EYS: variants seen among roughly 807,000 people sequenced by gnomAD.
EYS encodes protein eyes shut homolog.
EYS carries 250 observed loss-of-function variants against 282.1 expected under a neutral mutation model. The observed-to-expected ratio is 0.89, with a 90% CI of 0.80 to 0.98. The LOEUF is 0.98. EYS is among the 50% of genes least tolerant of loss of function. The pLI is 0.00. For missense variants in EYS, 4,016 were observed against 3,709.0 expected, an observed-to-expected ratio of 1.08 and a Z score of -2.15; for synonymous variants, 1,355 against 1,282.9, an observed-to-expected ratio of 1.06 and a Z score of -1.20.
chr6:64,872,668 C>A (rs551825181), intron 19 of EYS, among the ~76,000 whole-genome samples: 1 of 152,056 alleles, frequency 6.6e-6, no homozygotes, highest in South Asian at 2.1e-4. Flanking sequence ...ACTTTAAAGC[C>A]TCAGTTGAAA....
chr6:64,591,610 T>G lies in EYS; in HGVS notation c.4257A>C (p.Leu1419Phe). The change falls in exon 26 of 43, where the codon TTA becomes TTC. Residue 1419 changes from leucine (L) to phenylalanine (F), a missense_variant. Physicochemically the swap from Leu to Phe is conservative, Grantham distance 22 (BLOSUM62 0). Coordinates refer to ENST00000503581, the MANE Select transcript of EYS (RefSeq NM_001142800.2). Reference sequence around the variant, plus strand: ...TTACTGAAGTCGTTGGGGTAGCAGATAAAGCAACAGTCTGACAGTTCTCAA... The same window carrying G: ...TTACTGAAGTCGTTGGGGTAGCAGAGAAAGCAACAGTCTGACAGTTCTCAA... ...LLFENCQTVA[L>F]SATPTTSVIR... 2.6e-6 allele frequency: 4 copies of G among 1,551,188 alleles called. No individual in the cohort carries two copies. The highest frequency in any genetic ancestry group is 3.5e-6 in the Non-Finnish European group (4 of 1,146,720).
At chr6:64,728,726 G>A (rs188158769) in intron 22 of EYS, 343 of 152,398 alleles carry the variant, frequency 2.3e-3, no homozygotes, top group African/African-American at 5.4e-3. Flanking sequence ...TGTGGTGGTT[G>A]CTCTCCACCA....
intron 12 of EYS, among the ~76,000 whole-genome samples, chr6:65,096,742 T>C (rs190116570): frequency 6.6e-6 from 1 of 151,166 alleles, no homozygotes; most frequent in East Asian, 1.9e-4. Flanking sequence ...GAATATACAA[T>C]GAGGAGTGAA....
chr6:64,836,077 AATT>A lies in EYS; in HGVS notation c.2993-13258_2993-13256del, dbSNP rs533605477. ...ATAATCGCTCAAATCTCATAATCGTAATTTTTATATATTACTTATGTTTTAATT... is the reference window on the plus strand; with the variant it reads ...ATAATCGCTCAAATCTCATAATCGTATTTATATATTACTTATGTTTTAATT... On this transcript the variant is annotated intron_variant, in intron 19 of 42. Coordinates refer to ENST00000503581, the MANE Select transcript of EYS (RefSeq NM_001142800.2). Among the ~76,000 whole-genome samples, 1,165 of 151,584 alleles carry A rather than the reference AATT, an allele frequency of 7.7e-3. 11 individuals carry two copies. The highest frequency in any genetic ancestry group is 0.026 in the African/African-American group (1,084 of 41,488).
chr6:64,542,347 T>G (rs1764714880), intron 26 of EYS, among the ~76,000 whole-genome samples: 1 of 152,228 alleles, frequency 6.6e-6, no homozygotes, highest in African/African-American at 2.4e-5. Context: ...TTCTGCCTAT[T>G]TGGAAGTTCT....
chr6:64,869,371 G>A (rs566384264), intron 19 of EYS, among the ~76,000 whole-genome samples: 430 of 151,568 alleles, frequency 2.8e-3, no homozygotes, highest in Non-Finnish European at 4.8e-3. Context: ...AGGGGATACA[G>A]GGAAAGTCCC....
intron 12 of EYS, among the ~76,000 whole-genome samples, chr6:65,280,995 C>A (rs1431019352): frequency 7.5e-6 from 1 of 133,094 alleles, no homozygotes; most frequent in South Asian, 2.3e-4. Flanking sequence ...AAGATCATGC[C>A]ATTGCACTCC....
intron 29 of EYS, among the ~76,000 whole-genome samples, chr6:64,376,746 G>A (rs901479489): frequency 5.9e-5 from 9 of 152,034 alleles, no homozygotes; most frequent in Admixed American, 1.3e-4. Flanking sequence ...AAGTAGATTC[G>A]TCATTTGAGG....
At chr6:64,265,517 A>G (rs1390599937) in intron 30 of EYS, among the ~76,000 whole-genome samples, 1 of 152,178 alleles carries the variant, frequency 6.6e-6, no homozygotes, top group Non-Finnish European at 1.5e-5. Flanking sequence ...TAACGTCTAG[A>G]GAAGAATTGC....
chr6:64,184,003 C>A (rs891153786), intron 31 of EYS, among the ~76,000 whole-genome samples: 2 of 152,074 alleles, frequency 1.3e-5, no homozygotes, highest in Non-Finnish European at 2.9e-5. Flanking sequence ...TAGATCAGAG[C>A]TTTTATTTCA....
chr6:65,492,220 T>A (rs1283103867), intron 4 of EYS, among the ~76,000 whole-genome samples: 1 of 152,134 alleles, frequency 6.6e-6, no homozygotes, highest in Non-Finnish European at 1.5e-5. Context: ...ATTCTTAATG[T>A]TATAAAAATA....
chr6:64,261,078 G>A (rs1400375628), intron 30 of EYS, among the ~76,000 whole-genome samples: 1 of 151,764 alleles, frequency 6.6e-6, no homozygotes, highest in Non-Finnish European at 1.5e-5. Context: ...ATAAATTATT[G>A]TTAACTATAG....
chr6:64,796,945 G>A (rs12530332), intron 22 of EYS, among the ~76,000 whole-genome samples: 62,758 of 151,872 alleles, frequency 0.41, 15,443 homozygotes, highest in Admixed American at 0.59. Context: ...TTTCTCCGGC[G>A]GGTGGTGAAG....
chr6:65,035,368 G>C (rs1345182348), intron 13 of EYS, among the ~76,000 whole-genome samples: 1 of 151,848 alleles, frequency 6.6e-6, no homozygotes, highest in Non-Finnish European at 1.5e-5. Context: ...GTCAAGAGAA[G>C]GACATAAAAG....
intron 13 of EYS, among the ~76,000 whole-genome samples, chr6:65,040,261 G>A (rs1398018432): frequency 1.3e-5 from 2 of 151,710 alleles, no homozygotes; most frequent in Non-Finnish European, 3.0e-5. Context: ...TCTTGGTAAA[G>A]TTGATTCCTT....
chr6:65,126,704 G>A (rs1391822273), intron 12 of EYS, among the ~76,000 whole-genome samples: 1 of 152,134 alleles, frequency 6.6e-6, no homozygotes, highest in Non-Finnish European at 1.5e-5. Context: ...AATGTGTTCT[G>A]GAGCCTCAAA....
At chr6:65,148,817 GC>G (rs1423698674) in intron 12 of EYS, among the ~76,000 whole-genome samples, 3 of 152,096 alleles carry the variant, frequency 2.0e-5, no homozygotes, top group Non-Finnish European at 4.4e-5. Flanking sequence ...CCCAAACCTC[GC>G]TTGACTTCTG....
At chr6:64,814,526 GTATATT>G (rs1764690301) in intron 21 of EYS, among the ~76,000 whole-genome samples, 1 of 151,846 alleles carries the variant, frequency 6.6e-6, no homozygotes. Flanking sequence ...ATGTTTCTCT[GTATATT>G]TAGCTTCTAC....
At chr6:64,095,392 T>A (rs975312751) in intron 31 of EYS, among the ~76,000 whole-genome samples, 18 of 152,114 alleles carry the variant, frequency 1.2e-4, no homozygotes, top group African/African-American at 4.3e-4. Context: ...GTAGTCTAAG[T>A]CTCTTTGTAG....
Sources: allele counts gnomAD v4.1 joint callset (sites outside exome capture counted in the v4.1 genomes callset), GRCh38; gene constraint gnomAD v4.1.1; transcripts MANE v1.5; gene names NCBI Gene and HGNC (gene_info 2026-07-23, HGNC 2026-07-21).